ROBO2: variants seen among roughly 807,000 people sequenced by gnomAD.
ROBO2 encodes roundabout guidance receptor 2.
ROBO2 carries 53 observed loss-of-function variants against 160.8 expected under a neutral mutation model. The observed-to-expected ratio is 0.33, with a 90% CI of 0.26 to 0.41. ROBO2 has a LOEUF of 0.41. Ranked by LOEUF, ROBO2 falls within the 10% of genes least tolerant of loss-of-function variation. The pLI is 1.00. For synonymous variants in ROBO2, 664 were observed against 611.7 expected, an observed-to-expected ratio of 1.09 and a Z score of -1.26; for missense variants, 1,577 against 1,722.4, an observed-to-expected ratio of 0.92 and a Z score of 1.49.
chr3:77,040,619 C>A, exon 1 of ROBO2: 4 of 1,483,636 alleles, frequency 2.7e-6, no homozygotes, highest in Non-Finnish European at 3.6e-6. Flanking sequence ...CCGTTCGAGA[C>A]CTCTCCACCA....
intron 2 of ROBO2, among the ~76,000 whole-genome samples, chr3:77,305,784 C>A (rs185029693): frequency 6.6e-6 from 1 of 152,258 alleles, no homozygotes; most frequent in Admixed American, 6.5e-5. Flanking sequence ...TTTCATGGGA[C>A]AATAGCACTA....
At chr3:77,518,510 G>A (rs1399565501) in intron 5 of ROBO2, among the ~76,000 whole-genome samples, 1 of 151,422 alleles carries the variant, frequency 6.6e-6, no homozygotes, top group Non-Finnish European at 1.5e-5. Flanking sequence ...AACAAGACAT[G>A]TATTGTAGCA....
At chr3:77,195,951 C>G (rs2082270370) in intron 2 of ROBO2, among the ~76,000 whole-genome samples, 1 of 152,208 alleles carries the variant, frequency 6.6e-6, no homozygotes, top group Non-Finnish European at 1.5e-5. Flanking sequence ...CCAAGGACCT[C>G]TAGGCTGACG....
At chr3:76,622,113 G>C (rs2089138986) in intron 2 of ROBO2, among the ~76,000 whole-genome samples, 1 of 151,464 alleles carries the variant, frequency 6.6e-6, no homozygotes, top group African/African-American at 2.4e-5. Flanking sequence ...GGAGGCTGAG[G>C]CAGGAGGACT....
intron 23 of ROBO2, chr3:77,632,400 C>T (rs2095181742): frequency 1.9e-6 from 2 of 1,079,224 alleles, no homozygotes; most frequent in African/African-American, 3.2e-5. Flanking sequence ...CTTACTTGCT[C>T]ATTAGTATAG....
chr3:77,449,136 G>C (rs1263077733), intron 2 of ROBO2, among the ~76,000 whole-genome samples: 1 of 151,942 alleles, frequency 6.6e-6, no homozygotes, highest in African/African-American at 2.4e-5. Flanking sequence ...CATGGAATTA[G>C]TTTGTTCTTT....
intron 2 of ROBO2, among the ~76,000 whole-genome samples, chr3:76,010,494 A>G (rs1275052460): frequency 6.6e-6 from 1 of 152,222 alleles, no homozygotes; most frequent in Admixed American, 6.5e-5. Context: ...ACCTTCAAAC[A>G]GCCTAATTTC....
intron 2 of ROBO2, among the ~76,000 whole-genome samples, chr3:76,184,428 A>G (rs1701647367): frequency 6.6e-6 from 1 of 152,166 alleles, no homozygotes; most frequent in Non-Finnish European, 1.5e-5. Context: ...TGACCAGCCC[A>G]GATTTAAGAC....
intron 2 of ROBO2, among the ~76,000 whole-genome samples, chr3:75,996,866 T>TA (rs1184527781): frequency 2.0e-5 from 3 of 152,036 alleles, no homozygotes; most frequent in Non-Finnish European, 4.4e-5. Flanking sequence ...TCTATTCTGA[T>TA]ATATGTAAAT....
Position 76,382,170 on chromosome 3 carries a change from G to A in ROBO2, c.109+444568G>A, listed in dbSNP as rs560910110. Among the ~76,000 whole-genome samples the A allele has an allele frequency of 3.8e-3, 580 of 152,192 alleles. 4 individuals are homozygous for A. Among genetic ancestry groups the A allele is most frequent in the Non-Finnish European group, 5.6e-3 (382 of 68,014 alleles). The stretch of plus-strand genomic sequence containing the variant: ...TTTGGTAGAAACGAGGTTTTGCCAC[G>A]TTGCTCAGACTGATCTTGAACTCTT... On this transcript the variant is annotated intron_variant, in intron 2 of 26. Transcript: ENST00000487694.
chr3:76,437,103 A>G (rs1459020668), intron 2 of ROBO2, among the ~76,000 whole-genome samples: 4 of 152,186 alleles, frequency 2.6e-5, no homozygotes, highest in African/African-American at 9.6e-5. Context: ...TTGTGATTTG[A>G]AGTTTGGATT....
Position 76,320,809 on chromosome 3 carries a change from G to A in ROBO2, c.109+383207G>A, listed in dbSNP as rs538021360. The stretch of plus-strand genomic sequence containing the variant: ...GGTTGTTGATTGCGAAGTGTAATGA[G>A]TAGGACTTAATGCACTGTTAGATGA... On this transcript the variant is annotated intron_variant, in intron 2 of 26. Transcript: ENST00000487694. 9.2e-5 allele frequency among the ~76,000 whole-genome samples: 14 copies of A among 152,296 alleles called. No individual in the cohort carries two copies. The South Asian group carries it at 2.9e-3, about 32-fold the overall frequency.
At chr3:76,865,195 C>G (rs1279162280) in intron 2 of ROBO2, among the ~76,000 whole-genome samples, 1 of 151,568 alleles carries the variant, frequency 6.6e-6, no homozygotes, top group South Asian at 2.1e-4. Flanking sequence ...CTCAAATTAT[C>G]ATTGGTGAAG....
intron 6 of ROBO2, among the ~76,000 whole-genome samples, chr3:77,526,443 T>G (rs1434819282): frequency 6.6e-6 from 1 of 151,540 alleles, no homozygotes; most frequent in South Asian, 2.1e-4. Context: ...AAATTCTATT[T>G]TTAATGTCAG....
chr3:75,944,912 A>G (rs1211928785), intron 2 of ROBO2, among the ~76,000 whole-genome samples: 1 of 152,052 alleles, frequency 6.6e-6, no homozygotes, highest in African/African-American at 2.4e-5. Flanking sequence ...CTCAGATATC[A>G]CCTACACTGT....
At chr3:77,561,753 C>G (rs2093328538) in intron 9 of ROBO2, among the ~76,000 whole-genome samples, 1 of 151,998 alleles carries the variant, frequency 6.6e-6, no homozygotes, top group African/African-American at 2.4e-5. Flanking sequence ...TCCACTACTG[C>G]AATTTACATA....
chr3:77,306,926 C>T lies in ROBO2; in HGVS notation c.389-170488C>T, dbSNP rs142337597. Reference sequence around the variant, plus strand: ...ACAAAATCATTGTTTACAAAAGGCACTCTCTTTGCATCTGACAATACGCAA... The same window carrying T: ...ACAAAATCATTGTTTACAAAAGGCATTCTCTTTGCATCTGACAATACGCAA... On this transcript the variant is annotated intron_variant, in intron 2 of 25. Coordinates refer to ENST00000461745, the Ensembl canonical transcript of ROBO2. Among the ~76,000 whole-genome samples the T allele has an allele frequency of 9.3e-3, 1,424 of 152,322 alleles. 11 individuals carry two copies. The highest frequency in any genetic ancestry group is 0.014 in the Non-Finnish European group (968 of 68,022).
At chr3:76,772,944 T>C (rs1216062787) in intron 2 of ROBO2, among the ~76,000 whole-genome samples, 3 of 151,192 alleles carry the variant, frequency 2.0e-5, no homozygotes, top group Non-Finnish European at 4.4e-5. Flanking sequence ...GTTAAAATTT[T>C]GGCATCGATG....
intron 2 of ROBO2, among the ~76,000 whole-genome samples, chr3:77,019,192 C>T (rs1299678415): frequency 6.6e-6 from 1 of 152,120 alleles, no homozygotes; most frequent in Non-Finnish European, 1.5e-5. Flanking sequence ...GTGTATTTCT[C>T]ACAGCTCTGG....
Sources: allele counts gnomAD v4.1 joint callset (sites outside exome capture counted in the v4.1 genomes callset), GRCh38; gene constraint gnomAD v4.1.1; transcripts MANE v1.5; gene names NCBI Gene and HGNC (gene_info 2026-07-23, HGNC 2026-07-21).